The following TEP1 variants were observed in gnomAD, a reference collection of about 807,000 sequenced individuals.
TEP1 encodes the protein telomerase associated protein 1.
TEP1 carries 241 observed loss-of-function variants against 306.3 expected under a neutral mutation model. The observed-to-expected ratio is 0.79, with a 90% confidence interval of 0.71 to 0.88. The LOEUF (loss-of-function observed/expected upper bound fraction) is 0.88, where lower values mean the gene tolerates loss of function less well. TEP1 is among the 40% of genes least tolerant of loss of function. The probability of loss-of-function intolerance (pLI) is 0.00; values close to 1 mark genes in which losing one functional copy is unlikely to be tolerated. For missense variants in TEP1, 3,051 were observed against 3,276.1 expected, an observed-to-expected ratio of 0.93 and a Z score of 1.68; for synonymous variants, 1,289 against 1,305.5, an observed-to-expected ratio of 0.99 and a Z score of 0.27.
At chr14:20,369,260 G>A in intron 53 of TEP1, 84 bp downstream of exon 53, 1 of 1,396,424 alleles carries the variant, frequency 7.2e-7, no homozygotes, top group Non-Finnish European at 1.0e-6. Context: ...TGCCCGCCTA[G>A]GCCTCCCAAA....
In TEP1 at chr14:20,401,015, C is replaced by T. The variant is rs1878677353; in HGVS notation, c.1518G>A (p.Gly506=). The T allele has an allele frequency of 1.2e-6, 2 of 1,614,156 alleles. No homozygotes were observed. The highest frequency in any genetic ancestry group is 1.3e-5 in the African/African-American group (1 of 75,040). Residue 506 remains glycine (G), a synonymous_variant, in exon 9 of 55, where the codon GGG becomes GGA. Transcript: ENST00000262715. ...GTTCCTCCCAGACCGACGCTTTGTT[C>T]CCCCGTAGGCTCAGCTCCCGCTCCC... ...ETWERELSLR[G]NKASVWEELI...
intron 9 of TEP1, 75 bp downstream of exon 9, chr14:20,400,909 T>C: frequency 5.8e-6 from 9 of 1,548,642 alleles, no homozygotes; most frequent in Non-Finnish European, 7.0e-6. Flanking sequence ...ACAGAAATCT[T>C]CTAGTGAGGA....
intron 33 of TEP1, 21 bp downstream of exon 33, chr14:20,380,910 C>T: frequency 6.2e-7 from 1 of 1,603,470 alleles, no homozygotes; most frequent in Non-Finnish European, 8.5e-7. Context: ...AGAGAAGAAC[C>T]CAGCCAGTGA....
rs1884478295 is a variant in TEP1, at chr14:20,366,442, A to G, written c.*1995T>C. On this transcript the variant is annotated 3_prime_UTR_variant, in exon 55 of 55. Transcript: ENST00000262715. ...TATGGATCATAAATTTCAAAATACC[A>G]TAACTAGGACTTCTAGTCACAAGGT... 1 of 152,228 alleles carries G rather than the reference A, an allele frequency of 6.6e-6. No individual in the cohort carries two copies. Among genetic ancestry groups the G allele is most frequent in the Non-Finnish European group, 1.5e-5 (1 of 68,042 alleles). The allele number at this position is 152,228 out of a possible 1,614,324, so 9.4% of individuals were successfully genotyped here.
At chr14:20,404,854 T>C in intron 4 of TEP1, 82 bp from the exon 5 acceptor site, 1 of 1,486,122 alleles carries the variant, frequency 6.7e-7, no homozygotes, top group Non-Finnish European at 9.0e-7. Context: ...TGATTGAGTG[T>C]GCCTGTATAA....
chr14:20,404,333 C>A (rs913166898), intron 5 of TEP1, among the ~76,000 whole-genome samples: 2 of 133,496 alleles, frequency 1.5e-5, no homozygotes, highest in Non-Finnish European at 3.0e-5. Context: ...CCAGCCTGGG[C>A]GACAAGAGTG....
In TEP1 at chr14:20,405,668, T is replaced by TC. The variant is rs545534570; in HGVS notation, c.736-84dup. On this transcript the variant is annotated intron_variant, in intron 3 of 54. Coordinates refer to ENST00000262715, the MANE Select transcript of TEP1 (RefSeq NM_007110.5). Reference sequence around the variant, plus strand: ...CATCCATGCAGACTAACTTACAAAGTCAAGGACAGAGAGAATGGACCCGAG... The same window carrying TC: ...CATCCATGCAGACTAACTTACAAAGTCCAAGGACAGAGAGAATGGACCCGAG... 3.6e-5 allele frequency: 54 copies of TC among 1,511,908 alleles called. 1 individual carries two copies. The African/African-American group carries it at 5.5e-4, about 15-fold the overall frequency. 93.7% of individuals were successfully genotyped at this position (1,511,908 alleles called of 1,614,324 possible). A position where few individuals can be genotyped will look rare whatever the true frequency, so the allele number is the denominator to read the frequency against.
rs781309393 is a variant in TEP1, at chr14:20,383,493, G to T, written c.3862C>A (p.Pro1288Thr). Reference protein sequence around the residue: ...LISDWIPKKLPRCVHLVLSVS... With the variant: ...LISDWIPKKLTRCVHLVLSVS... ...CACCTCCTTCTCACACTCACCCGGG[G>T]AAGCTTCTTTGGGATCCAGTCTGAA... Residue 1288 changes from proline (P) to threonine (T), a missense_variant, in exon 26 of 55, where the codon CCC becomes ACC. By Grantham distance (38) the Pro-to-Thr change is conservative (BLOSUM62 -1). This residue lies in a region of TEP1 where 1,540 missense variants were observed against 1,705.9 expected (regional missense o/e 0.90). Transcript: ENST00000262715. 6.2e-7 allele frequency: 1 copy of T among 1,614,176 alleles called. No individual in the cohort carries two copies. The highest frequency in any genetic ancestry group is 2.2e-5 in the East Asian group (1 of 44,880).
Position 20,378,130 on chromosome 14 carries a change from C to A in TEP1, c.5615G>T (p.Arg1872Leu). The change falls in exon 39 of 55, where the codon CGA becomes CTA. Residue 1872 changes from arginine to leucine, a missense_variant. Transcript: ENST00000262715. ...LDSMVELWAW[R>L]EGARLAAFPA... ...GAAGGCAGCCAGCCGTGCCCCTTCTCGCCAGGCCCACAGCTCCACCATACT... is the reference window on the plus strand; with the variant it reads ...GAAGGCAGCCAGCCGTGCCCCTTCTAGCCAGGCCCACAGCTCCACCATACT... The A allele has an allele frequency of 3.7e-6, 6 of 1,613,924 alleles. No homozygotes were observed. Among genetic ancestry groups the A allele is most frequent in the Non-Finnish European group, 5.1e-6 (6 of 1,180,026 alleles).
chr14:20,378,751 T>C lies in TEP1; in HGVS notation c.5352+3A>G. ...TCTGACCACTGCAGACCCCAAGTCT[T>C]ACCTTTAGGCATCCTCCCAAGCACA... is the stretch of plus-strand genomic sequence containing the variant. On this transcript the variant is annotated splice_donor_region_variant and intron_variant, in intron 37 of 54. Coordinates refer to ENST00000262715, the MANE Select transcript of TEP1 (RefSeq NM_007110.5). 6.2e-7 allele frequency: 1 copy of C among 1,614,058 alleles called. No individual in the cohort carries two copies. Among genetic ancestry groups the C allele is most frequent in the Non-Finnish European group, 8.5e-7 (1 of 1,179,970 alleles).
At chr14:20,410,163 A>G (rs1879541157) in intron 1 of TEP1, among the ~76,000 whole-genome samples, 1 of 151,066 alleles carries the variant, frequency 6.6e-6, no homozygotes, top group Admixed American at 6.6e-5. Flanking sequence ...ATTATTTGTT[A>G]TTATTATCCA....
rs200976408 is a variant in TEP1, at chr14:20,385,112, G to T, written c.2983-3C>A. ...CGCCCTGAAGGGTACTGCTGGGCCT[G>T]CGGGGAGGACAGAGACAGTGAGTTT... On this transcript the variant is annotated splice_region_variant and splice_polypyrimidine_tract_variant and intron_variant, in intron 20 of 54. Coordinates refer to ENST00000262715, the MANE Select transcript of TEP1 (RefSeq NM_007110.5). The T allele has an allele frequency of 3.1e-6, 5 of 1,613,836 alleles. No individual in the cohort carries two copies. The South Asian group carries it at 5.5e-5, about 18-fold the overall frequency.
chr14:20,410,719 T>C (rs10131170), intron 1 of TEP1, among the ~76,000 whole-genome samples: 1,807 of 146,256 alleles, frequency 0.012, 40 homozygotes, highest in African/African-American at 0.042. Context: ...GGATTACAGG[T>C]GTGAGCCACT....
chr14:20,407,663 T>G (rs1028363460), intron 2 of TEP1, among the ~76,000 whole-genome samples: 1 of 152,204 alleles, frequency 6.6e-6, no homozygotes, highest in African/African-American at 2.4e-5. Flanking sequence ...GTTTTTGATC[T>G]ATTGCACAAT....
At chr14:20,368,744 G>A in intron 54 of TEP1, 54 bp downstream of exon 54, 1 of 1,531,446 alleles carries the variant, frequency 6.5e-7, no homozygotes, top group South Asian at 1.1e-5. Context: ...CATCCCTTTG[G>A]GATAGGTGTG....
In TEP1 at chr14:20,372,811, A is replaced by C. The variant is rs1406249903; in HGVS notation, c.6998T>G (p.Phe2333Cys). 1 of 1,614,178 alleles carries C rather than the reference A, an allele frequency of 6.2e-7. No homozygotes were observed. Among genetic ancestry groups the C allele is most frequent in the South Asian group, 1.1e-5 (1 of 91,078 alleles). The change falls in exon 49 of 55, where the codon TTT becomes TGT. Residue 2333 changes from phenylalanine to cysteine, a missense_variant. Phe to Cys is a radical substitution (Grantham distance 205, BLOSUM62 -2). Transcript: ENST00000262715. The part of the protein sequence containing the change: ...GALIWSSAHT[F>C]FVLSADEKIS... ...TTTCTCATCAGCACTGAGGACAAAA[A>C]AGGTGTGTGCCGAGGACCAGATCAG...
Position 20,380,464 on chromosome 14 carries a change from G to T in TEP1, c.4774C>A (p.Pro1592Thr). 1 of 1,612,668 alleles carries T rather than the reference G, an allele frequency of 6.2e-7. No homozygotes were observed. Among genetic ancestry groups the T allele is most frequent in the Non-Finnish European group, 8.5e-7 (1 of 1,179,790 alleles). Residue 1592 changes from proline to threonine, a missense_variant, in exon 34 of 55, where the codon CCC becomes ACC. Around this residue, in one of 3 missense-constraint regions of TEP1, gnomAD observed 1,540 missense variants for 1,705.9 expected, o/e 0.90. Coordinates refer to ENST00000262715, the MANE Select transcript of TEP1 (RefSeq NM_007110.5). ...EAHALYASSV[P>T]KEEQKLPEAD... ...TCGGGGAGCTTTTGTTCCTCTTTGG[G>T]GACTGAAGAAGCTATAAAAGGGTGG...
rs1404064565 is a variant in TEP1 at position 20,381,317 on chromosome 14, T to G, written c.4643A>C (p.His1548Pro). Reference protein sequence around the residue: ...PPEALGDLPYHLLQSGNRGLL... With the variant: ...PPEALGDLPYPLLQSGNRGLL... ...CTATGGGGTCTAGGAACTAACCAGG[T>G]GGTAAGGCAGGTCTCCCAGAGCCTC... is the stretch of plus-strand genomic sequence containing the variant. Residue 1548 changes from histidine to proline, a missense_variant, in exon 32 of 55, where the codon CAC (histidine) becomes CCC (proline). Transcript: ENST00000262715. The surrounding 1 kb of genome is among the most constrained non-coding windows in gnomAD (Gnocchi z 4.0). The G allele has an allele frequency of 1.2e-6, 2 of 1,613,928 alleles. No homozygotes were observed. The highest frequency in any genetic ancestry group is 3.3e-5 in the Admixed American group (2 of 60,000).
At chr14:20,377,176 C>G in intron 41 of TEP1, 104 bp downstream of exon 41, 2 of 973,412 alleles carry the variant, frequency 2.1e-6, no homozygotes, top group South Asian at 3.6e-5. Context: ...GACCGTACCA[C>G]TGCACTCTAG....
Sources: gnomAD v4.1 joint callset for allele counts (sites outside exome capture counted in the v4.1 genomes callset) on GRCh38, gnomAD v4.1.1 for gene constraint, gnomAD v4.1.1 regional missense constraint, Gnocchi (gnomAD v3.1) non-coding constraint, MANE v1.5 for transcripts, NCBI Gene and HGNC (gene_info 2026-07-23, HGNC 2026-07-21) for gene names.